The following EXOC4 variants were observed in gnomAD, a reference collection of about 807,000 sequenced individuals.
The protein encoded by EXOC4 is SEC8-like 1.
A neutral mutation model predicts 107.2 loss-of-function variants in EXOC4; 71 were observed. The observed-to-expected ratio is 0.66, with a 90% CI of 0.55 to 0.81. EXOC4 has a LOEUF of 0.81. EXOC4 is among the 30% of genes least tolerant of loss of function. The probability of loss-of-function intolerance (pLI) is 0.00; values close to 1 mark genes in which losing one functional copy is unlikely to be tolerated. For synonymous variants in EXOC4, 456 were observed against 441.2 expected, an observed-to-expected ratio of 1.03 and a Z score of -0.42; for missense variants, 1,108 against 1,189.6, an observed-to-expected ratio of 0.93 and a Z score of 1.01.
At position 133,648,580 on chromosome 7, in the gene EXOC4, G is replaced by A. The variant is rs528218766; in HGVS notation, c.1514+18439G>A. Among the ~76,000 whole-genome samples, 6 of 152,236 alleles carry A rather than the reference G, an allele frequency of 3.9e-5. No homozygotes were observed. In the East Asian group the frequency reaches 7.7e-4, roughly 20 times the overall value. On this transcript the variant is annotated intron_variant, in intron 10 of 17. Coordinates refer to ENST00000253861, the MANE Select transcript of EXOC4 (RefSeq NM_021807.4). ...CCTTATTTTATAGTAGGATGATATA[G>A]TGCGTGCCATAAAAGGGGAGGAAGA...
At chr7:133,690,684 T>C (rs1794399592) in intron 10 of EXOC4, among the ~76,000 whole-genome samples, 1 of 152,156 alleles carries the variant, frequency 6.6e-6, no homozygotes, top group African/African-American at 2.4e-5. Context: ...AGAAGACAGA[T>C]TAACAGGATA....
At chr7:133,429,363 T>A (rs2150772548) in intron 7 of EXOC4, among the ~76,000 whole-genome samples, 1 of 152,350 alleles carries the variant, frequency 6.6e-6, no homozygotes, top group East Asian at 1.9e-4. Context: ...TTTCTAACTT[T>A]GCTAAGAAAT....
chr7:133,571,461 G>A (rs543391143), intron 9 of EXOC4, among the ~76,000 whole-genome samples: 2 of 152,240 alleles, frequency 1.3e-5, no homozygotes, highest in African/African-American at 4.8e-5. Context: ...GATCACCTGA[G>A]GTCAGGAGTT....
chr7:133,436,266 A>G (rs558862988), intron 7 of EXOC4, among the ~76,000 whole-genome samples: 7 of 152,050 alleles, frequency 4.6e-5, no homozygotes, highest in African/African-American at 9.6e-5. Context: ...TTGCCCTCCT[A>G]TGTGCCCTGA....
At chr7:133,596,421 C>T (rs975941156) in intron 9 of EXOC4, among the ~76,000 whole-genome samples, 1 of 152,154 alleles carries the variant, frequency 6.6e-6, no homozygotes, top group Non-Finnish European at 1.5e-5. Flanking sequence ...ATTAGATTTT[C>T]CTGCTTTAAA....
At chr7:133,513,863 G>A (rs1173350925) in intron 9 of EXOC4, among the ~76,000 whole-genome samples, 1 of 152,148 alleles carries the variant, frequency 6.6e-6, no homozygotes, top group Non-Finnish European at 1.5e-5. Context: ...TCATGAAATT[G>A]CTGGATATGT....
At chr7:133,690,164 G>C (rs1794389116) in intron 10 of EXOC4, among the ~76,000 whole-genome samples, 1 of 152,200 alleles carries the variant, frequency 6.6e-6, no homozygotes, top group South Asian at 2.1e-4. Context: ...TTCAGCATGA[G>C]TTATTCCATT....
chr7:133,825,251 T>C (rs1407329472), intron 11 of EXOC4, among the ~76,000 whole-genome samples: 1 of 151,682 alleles, frequency 6.6e-6, no homozygotes, highest in Non-Finnish European at 1.5e-5. Context: ...TCCCAGCTAC[T>C]CGGGAGGCTG....
Position 133,480,136 on chromosome 7 carries a change from A to C in EXOC4, c.1415A>C (p.Gln472Pro). The C allele has an allele frequency of 6.2e-7, 1 of 1,613,820 alleles. No individual in the cohort carries two copies. The highest frequency in any genetic ancestry group is 8.5e-7 in the Non-Finnish European group (1 of 1,179,762). Residue 472 changes from glutamine to proline, a missense_variant and splice_region_variant, in exon 9 of 18, where the codon CAA (glutamine) becomes CCA (proline). Gln to Pro is a moderately conservative substitution (Grantham distance 76). Transcript: ENST00000253861. ...CTCTATAGTCGGAGTGGAGAACTGC[A>C]AGGTGAGTGATTGAGCTTCTCTGGA... Reference protein sequence around the residue: ...RELYSRSGELQGGPDDNLIEG... With the variant: ...RELYSRSGELPGGPDDNLIEG...
At chr7:133,710,082 C>T (rs1794852203) in intron 10 of EXOC4, among the ~76,000 whole-genome samples, 1 of 152,106 alleles carries the variant, frequency 6.6e-6, no homozygotes, top group Admixed American at 6.5e-5. Flanking sequence ...CATAAAATAA[C>T]TTATGAGTTT....
the EXOC4 span, among the ~76,000 whole-genome samples, chr7:134,092,245 TTAAAAGGG>T: frequency 6.6e-6 from 1 of 152,030 alleles, no homozygotes; most frequent in Non-Finnish European, 1.5e-5. Flanking sequence ...TATGTACACT[TTAAAAGGG>T]TAAATATTAT....
At chr7:133,514,590 C>A (rs749372453) in intron 9 of EXOC4, among the ~76,000 whole-genome samples, 41 of 152,140 alleles carry the variant, frequency 2.7e-4, no homozygotes, top group Non-Finnish European at 4.1e-4. Flanking sequence ...TAGATAACCC[C>A]TTCAGTATCT....
At chr7:133,918,493 T>C (rs1799862543) in intron 13 of EXOC4, among the ~76,000 whole-genome samples, 1 of 152,240 alleles carries the variant, frequency 6.6e-6, no homozygotes, top group South Asian at 2.1e-4. Context: ...TCCATAGAAC[T>C]GTCAGTTGGA....
At chr7:133,830,381 T>G (rs28612435) in intron 11 of EXOC4, among the ~76,000 whole-genome samples, 141 of 152,356 alleles carry the variant, frequency 9.3e-4, no homozygotes, top group African/African-American at 3.1e-3. Context: ...GTTAATTTCT[T>G]GCCTCGTGAA....
chr7:133,666,162 C>T (rs1321139617), intron 10 of EXOC4, among the ~76,000 whole-genome samples: 1 of 152,058 alleles, frequency 6.6e-6, no homozygotes, highest in Non-Finnish European at 1.5e-5. Context: ...GGGAAATAGA[C>T]GGATGTGCTG....
intron 11 of EXOC4, among the ~76,000 whole-genome samples, chr7:133,834,920 A>G (rs1041979897): frequency 1.3e-5 from 2 of 151,980 alleles, no homozygotes; most frequent in Non-Finnish European, 2.9e-5. Flanking sequence ...CCTGCACTGT[A>G]CTCATGATAG....
At chr7:133,986,895 G>A (rs1445346666) in intron 14 of EXOC4, among the ~76,000 whole-genome samples, 1 of 152,178 alleles carries the variant, frequency 6.6e-6, no homozygotes, top group Non-Finnish European at 1.5e-5. Flanking sequence ...AGGCTTGATA[G>A]CAGCATATCC....
At chr7:133,615,276 TC>T (rs1329020772) in intron 9 of EXOC4, among the ~76,000 whole-genome samples, 2 of 150,786 alleles carry the variant, frequency 1.3e-5, no homozygotes, top group East Asian at 2.0e-4. Context: ...CTCCTCCTCC[TC>T]CCCCCTCATC....
At chr7:133,950,642 T>C (rs757523830) in intron 14 of EXOC4, among the ~76,000 whole-genome samples, 9 of 152,248 alleles carry the variant, frequency 5.9e-5, no homozygotes, top group Non-Finnish European at 1.3e-4. Flanking sequence ...AATAGTGATA[T>C]CAGAATGCTG....
Sources: allele counts gnomAD v4.1 joint callset (sites outside exome capture counted in the v4.1 genomes callset), GRCh38; gene constraint gnomAD v4.1.1; transcripts MANE v1.5; gene names NCBI Gene and HGNC (gene_info 2026-07-23, HGNC 2026-07-21).